The following EPHA5 variants were observed in gnomAD, a reference collection of about 807,000 sequenced individuals.
The protein encoded by EPHA5 is EPH receptor A5.
EPHA5 carries 60 observed loss-of-function variants against 105.0 expected under a neutral mutation model. The observed-to-expected ratio is 0.57, with a 90% CI of 0.46 to 0.71. The LOEUF (loss-of-function observed/expected upper bound fraction) is 0.71. Among genes scored for constraint, EPHA5 ranks in the 30% least tolerant of loss-of-function variants. EPHA5 has a pLI of 0.00. For synonymous variants in EPHA5, 513 were observed against 449.1 expected (o/e 1.14, Z -1.80); for missense variants, 1,218 against 1,274.7 (o/e 0.96, Z 0.68).
intron 2 of EPHA5, among the ~76,000 whole-genome samples, chr4:65,634,399 AAT>A (rs774388564): frequency 4.0e-4 from 61 of 152,074 alleles, no homozygotes; most frequent in Non-Finnish European, 5.0e-4. Flanking sequence ...TCAAAGACTA[AAT>A]ACAATACTTG....
intron 5 of EPHA5, among the ~76,000 whole-genome samples, chr4:65,457,816 A>G (rs1408417696): frequency 6.6e-6 from 1 of 152,118 alleles, no homozygotes; most frequent in Non-Finnish European, 1.5e-5. Context: ...CAATGCCAAT[A>G]TAACATATAA....
At chr4:65,394,081 T>C (rs572268446) in intron 8 of EPHA5, among the ~76,000 whole-genome samples, 3 of 152,274 alleles carry the variant, frequency 2.0e-5, no homozygotes, top group African/African-American at 7.2e-5. Context: ...ACCATGGAGT[T>C]GGTGACATTT....
At chr4:65,481,570 G>A (rs903229885) in intron 5 of EPHA5, among the ~76,000 whole-genome samples, 3 of 152,168 alleles carry the variant, frequency 2.0e-5, no homozygotes, top group South Asian at 2.1e-4. Context: ...ATGGAAGAAA[G>A]CAATATTCTT....
chr4:65,416,163 A>T (rs1032866887), intron 6 of EPHA5, among the ~76,000 whole-genome samples: 2 of 152,236 alleles, frequency 1.3e-5, no homozygotes, highest in Admixed American at 6.5e-5. Flanking sequence ...GTCAGAATTT[A>T]AGTATAAAAT....
chr4:65,584,246 C>T (rs776279853), intron 3 of EPHA5, among the ~76,000 whole-genome samples: 2 of 151,766 alleles, frequency 1.3e-5, no homozygotes, highest in African/African-American at 4.8e-5. Flanking sequence ...TAATGTGTTT[C>T]TCTTCTGTGA....
At chr4:65,650,388 A>G (rs1254902648) in intron 1 of EPHA5, among the ~76,000 whole-genome samples, 3 of 37,794 alleles carry the variant, frequency 7.9e-5, no homozygotes, top group Non-Finnish European at 1.7e-4. Flanking sequence ...TGTACTAAAC[A>G]TACAAAAAAA....
chr4:65,403,917 A>G (rs75922995), intron 8 of EPHA5, among the ~76,000 whole-genome samples: 5,206 of 152,236 alleles, frequency 0.034, 295 homozygotes, highest in African/African-American at 0.12. Context: ...CTTGTTTGCC[A>G]TAATTTCTGC....
intron 2 of EPHA5, among the ~76,000 whole-genome samples, chr4:65,629,734 A>G (rs183534642): frequency 3.9e-4 from 59 of 152,268 alleles, no homozygotes; most frequent in African/African-American, 1.3e-3. Context: ...CCTTAACTGT[A>G]GTGATGGCTG....
intron 5 of EPHA5, among the ~76,000 whole-genome samples, chr4:65,446,868 A>G (rs1445428851): frequency 6.6e-6 from 1 of 152,206 alleles, no homozygotes; most frequent in East Asian, 1.9e-4. Context: ...ACATAGCTCC[A>G]ATAAGCCATA....
At chr4:65,545,866 A>T (rs556800275) in intron 3 of EPHA5, among the ~76,000 whole-genome samples, 1 of 152,028 alleles carries the variant, frequency 6.6e-6, no homozygotes, top group East Asian at 1.9e-4. Context: ...ATGGTTGGCC[A>T]TTAGGGTCAA....
rs904397016 is a variant in EPHA5 at position 65,611,348 on chromosome 4, A to T, written c.247-9044T>A. On this transcript the variant is annotated intron_variant, in intron 2 of 16. Coordinates refer to ENST00000613740, the MANE Select transcript of EPHA5 (RefSeq NM_001281766.3). The stretch of plus-strand genomic sequence containing the variant: ...TAAATATTGCACTGTCCTGTTATAG[A>T]TAGCTGTAAATTCTGTGGGGAAGCC... 6.6e-5 allele frequency among the ~76,000 whole-genome samples: 10 copies of T among 152,298 alleles called. 1 individual carries two copies. In the East Asian group the frequency reaches 1.9e-3, roughly 29 times the overall value.
intron 5 of EPHA5, among the ~76,000 whole-genome samples, chr4:65,460,510 G>C (rs956352169): frequency 6.6e-6 from 1 of 150,500 alleles, no homozygotes; most frequent in African/African-American, 2.4e-5. Context: ...TAAATACTCA[G>C]TAACTATTAT....
chr4:65,579,782 T>C (rs1323918221), intron 3 of EPHA5, among the ~76,000 whole-genome samples: 1 of 151,924 alleles, frequency 6.6e-6, no homozygotes, highest in Non-Finnish European at 1.5e-5. Context: ...TTTCTGAGCA[T>C]AGTAATTTCA....
chr4:65,573,611 C>A, intron 3 of EPHA5: 1 of 1,599,706 alleles, frequency 6.3e-7, no homozygotes, highest in South Asian at 1.1e-5. Flanking sequence ...CTGTCCTTGT[C>A]AGAGGAATTG....
chr4:65,574,732 A>G (rs1257301255), intron 3 of EPHA5, among the ~76,000 whole-genome samples: 10 of 99,056 alleles, frequency 1.0e-4, no homozygotes, highest in East Asian at 9.2e-4. Context: ...ATATATATAC[A>G]TATATATATA....
chr4:65,341,399 T>C (rs999646482), intron 14 of EPHA5, among the ~76,000 whole-genome samples: 8 of 151,892 alleles, frequency 5.3e-5, no homozygotes, highest in African/African-American at 1.9e-4. Flanking sequence ...ACCATTGAAA[T>C]TAGAAATCAT....
chr4:65,587,237 G>A (rs1191477248), intron 3 of EPHA5, among the ~76,000 whole-genome samples: 1 of 151,956 alleles, frequency 6.6e-6, no homozygotes, highest in Non-Finnish European at 1.5e-5. Context: ...ATCCCACCAG[G>A]TCCATGAGGT....
chr4:65,532,311 CTT>C (rs1735883192), intron 3 of EPHA5, among the ~76,000 whole-genome samples: 1 of 152,020 alleles, frequency 6.6e-6, no homozygotes, highest in African/African-American at 2.4e-5. Flanking sequence ...TAATTTCACA[CTT>C]AACTATCGTC....
intron 3 of EPHA5, among the ~76,000 whole-genome samples, chr4:65,572,772 TATA>T (rs1194170699): frequency 6.6e-6 from 1 of 152,234 alleles, no homozygotes; most frequent in Non-Finnish European, 1.5e-5. Context: ...GGCTCACGCC[TATA>T]ATACCAGTCA....
Sources: allele counts gnomAD v4.1 joint callset (sites outside exome capture counted in the v4.1 genomes callset), GRCh38; gene constraint gnomAD v4.1.1; transcripts MANE v1.5; gene names NCBI Gene and HGNC (gene_info 2026-07-23, HGNC 2026-07-21).